POLD1: variants seen among roughly 807,000 people sequenced by gnomAD.
POLD1 encodes the protein DNA polymerase delta 1, catalytic subunit.
A neutral mutation model predicts 129.7 loss-of-function variants in POLD1; 79 were observed. The observed-to-expected ratio is 0.61, with a 90% CI of 0.51 to 0.73. The LOEUF is 0.73. Among genes scored for constraint, POLD1 ranks in the 30% least tolerant of loss-of-function variants. The pLI is 0.00. For synonymous variants in POLD1, 714 were observed against 683.3 expected, an observed-to-expected ratio of 1.04 and a Z score of -0.70; for missense variants, 1,338 against 1,595.8, an observed-to-expected ratio of 0.84 and a Z score of 2.75.
intron 1 of POLD1, among the ~76,000 whole-genome samples, chr19:50,392,766 T>C (rs111285262): frequency 0.01 from 1,591 of 152,256 alleles, 26 homozygotes; most frequent in African/African-American, 0.036. Flanking sequence ...CGTGAGCCAC[T>C]GCACCCAGGC....
intron 8 of POLD1, 90 bp downstream of exon 8, chr19:50,402,831 A>C (rs2122264322): frequency 1.3e-6 from 2 of 1,506,012 alleles, no homozygotes; most frequent in Non-Finnish European, 8.9e-7. Flanking sequence ...AATGGCAAGC[A>C]TGAAGGTGCC....
rs759213871 is a variant in POLD1, at chr19:50,403,111, C to G, written c.1029C>G (p.Arg343=). The change falls in exon 9 of 27, where the codon CGC becomes CGG. Residue 343 remains arginine (R), a synonymous_variant. Coordinates refer to ENST00000440232, the MANE Select transcript of POLD1 (RefSeq NM_002691.4). The part of the protein sequence containing the change: ...PVIQICSLGL[R]WGEPEPFLRL... The stretch of plus-strand genomic sequence containing the variant: ...TCCAGATCTGCTCGCTGGGCCTGCG[C>G]TGGGGGGAGCCGGAGCCCTTCCTAC... The G allele has an allele frequency of 6.4e-7, 1 of 1,564,698 alleles. No individual in the cohort carries two copies.
At chr19:50,389,680 G>A (rs2038086789) in intron 1 of POLD1, among the ~76,000 whole-genome samples, 1 of 150,130 alleles carries the variant, frequency 6.7e-6, no homozygotes, top group Non-Finnish European at 1.5e-5. Flanking sequence ...TCTGCCTCCT[G>A]GGTTCAAGCC....
At chr19:50,414,739 TCA>T in intron 19 of POLD1, 74 bp from the exon 20 acceptor site, 1 of 1,241,958 alleles carries the variant, frequency 8.1e-7, no homozygotes, top group Non-Finnish European at 1.1e-6. Context: ...CTGTCTACCT[TCA>T]GTTTCTGGGG....
Position 50,408,789 on chromosome 19 carries a change from T to G in POLD1, c.1780T>G (p.Tyr594Asp). 2 of 1,613,806 alleles carry G rather than the reference T, an allele frequency of 1.2e-6. No homozygotes were observed. Among genetic ancestry groups the G allele is most frequent in the Non-Finnish European group, 1.7e-6 (2 of 1,179,970 alleles). The change falls in exon 15 of 27, where the codon TAC (tyrosine) becomes GAC (aspartate). Residue 594 changes from tyrosine to aspartate, a missense_variant. By Grantham distance (160) the Tyr-to-Asp change is radical. This residue lies in a region of POLD1 where 720 missense variants were observed against 1,002.6 expected (regional missense o/e 0.72). Coordinates refer to ENST00000440232, the MANE Select transcript of POLD1 (RefSeq NM_002691.4). ...CCGCGGCTGCTCCCCTCCCAGGTAC[T>G]ACGACGTCCCCATCGCCACCCTGGA... ...ATVIEPLKGYYDVPIATLDFS... is the reference protein window; with the variant it reads ...ATVIEPLKGYDDVPIATLDFS...
intron 19 of POLD1, 45 bp downstream of exon 19, chr19:50,413,924 G>C (rs755951650): frequency 6.6e-7 from 1 of 1,522,290 alleles, no homozygotes; most frequent in Non-Finnish European, 8.8e-7. Context: ...GCCCTCATCA[G>C]GGTACTCAGG....
rs1456206691 is a variant in POLD1, at chr19:50,406,813, C to T, written c.1495-170C>T. Among the ~76,000 whole-genome samples the T allele has an allele frequency of 6.6e-6, 1 of 152,060 alleles. No individual in the cohort carries two copies. Among genetic ancestry groups the T allele is most frequent in the African/African-American group, 2.4e-5 (1 of 41,382 alleles). Reference sequence around the variant, plus strand: ...TCTGGCCCTGTGGACTCCCTGGCCCCCAACCCTACCTCCATCCCCACCCAG... The same window carrying T: ...TCTGGCCCTGTGGACTCCCTGGCCCTCAACCCTACCTCCATCCCCACCCAG... On this transcript the variant is annotated intron_variant, in intron 12 of 26. Coordinates refer to ENST00000440232, the MANE Select transcript of POLD1 (RefSeq NM_002691.4). The surrounding 1 kb of genome is among the most constrained non-coding windows in gnomAD (Gnocchi z 5.5).
Position 50,406,761 on chromosome 19 carries a change from GC to G in POLD1, c.1495-220del, listed in dbSNP as rs1221945904. ...CTGGCCTGACCACAGGTCCACGGTG[GC>G]CTTCAGGCTGCTCCCTCCTCCTCCC... On this transcript the variant is annotated intron_variant, in intron 12 of 26. Transcript: ENST00000440232. The surrounding 1 kb of genome is among the most constrained non-coding windows in gnomAD (Gnocchi z 5.5). Among the ~76,000 whole-genome samples, 1 of 152,010 alleles carries G rather than the reference GC, an allele frequency of 6.6e-6. No homozygotes were observed. Among genetic ancestry groups the G allele is most frequent in the African/African-American group, 2.4e-5 (1 of 41,374 alleles).
chr19:50,417,412 C>T (rs2122512165), intron 26 of POLD1, 143 bp downstream of exon 26: 1 of 626,818 alleles, frequency 1.6e-6, no homozygotes, highest in South Asian at 1.9e-5. Flanking sequence ...TGTCCTGAGC[C>T]TCAGTGTCCT....
At chr19:50,391,627 C>T (rs988858183) in intron 1 of POLD1, among the ~76,000 whole-genome samples, 18 of 141,588 alleles carry the variant, frequency 1.3e-4, no homozygotes, top group South Asian at 2.3e-4. Context: ...GGGAGGTTGC[C>T]GTGAGCCGAG....
intron 22 of POLD1, chr19:50,416,099 A>G (rs1281737289): frequency 3.5e-6 from 2 of 572,944 alleles, no homozygotes; most frequent in East Asian, 2.9e-5. Context: ...ATAATCCTCC[A>G]GCTCTACCCC....
rs3219368 is a variant in POLD1 at position 50,399,159 on chromosome 19, A to G, written c.202+106A>G. The G allele has an allele frequency of 8.2e-4, 1,231 of 1,505,410 alleles. 21 individuals are homozygous for G. The South Asian group carries it at 0.014, about 17-fold the overall frequency. The allele number at this position is 1,505,410 out of a possible 1,614,324, so 93.3% of individuals were successfully genotyped here. A position where few individuals can be genotyped will look rare whatever the true frequency, so the allele number is the denominator to read the frequency against. ...CTGACCTGTGACCCCACTCTGGCCAATTTTGAATCCTACAAAGGACTGCCC... is the reference window on the plus strand; with the variant it reads ...CTGACCTGTGACCCCACTCTGGCCAGTTTTGAATCCTACAAAGGACTGCCC... On this transcript the variant is annotated intron_variant, in intron 2 of 26. Coordinates refer to ENST00000440232, the MANE Select transcript of POLD1 (RefSeq NM_002691.4).
chr19:50,413,990 G>A (rs2039186780), intron 19 of POLD1, 111 bp downstream of exon 19: 1 of 1,165,892 alleles, frequency 8.6e-7, no homozygotes, highest in South Asian at 1.7e-5. Context: ...TTGCTGCTTA[G>A]ATTCTCCTGA....
rs138169420 is a variant in POLD1, at chr19:50,413,567, G to C, written c.2250+46G>C. 1.0e-3 allele frequency: 1,581 copies of C among 1,559,684 alleles called. 17 individuals carry two copies. In the African/African-American group the frequency reaches 0.017, roughly 16 times the overall value. ...GCCCTGAGATGGGCCCAGGGCAGGT[G>C]GGGGGATGGAAGCCGGGCCGGACCC... On this transcript the variant is annotated intron_variant, in intron 18 of 26. Coordinates refer to ENST00000440232, the MANE Select transcript of POLD1 (RefSeq NM_002691.4).
Position 50,415,542 on chromosome 19 carries a change from C to G in POLD1, c.2669C>G (p.Ala890Gly). ...GTCATCACCAAGGAGCTGACCCGCG[C>G]GGCCTCCGACTATGCCGGCAAGCAG... The part of the protein sequence containing the change: ...QLVITKELTR[A>G]ASDYAGKQAH... Residue 890 changes from alanine to glycine, a missense_variant, in exon 21 of 27, where the codon GCG becomes GGG. Physicochemically the swap from Ala to Gly is moderately conservative, Grantham distance 60. This residue lies in a region of POLD1 where 720 missense variants were observed against 1,002.6 expected (regional missense o/e 0.72). Coordinates refer to ENST00000440232, the MANE Select transcript of POLD1 (RefSeq NM_002691.4). The G allele has an allele frequency of 1.2e-6, 2 of 1,612,930 alleles. No individual in the cohort carries two copies. Among genetic ancestry groups the G allele is most frequent in the Non-Finnish European group, 1.7e-6 (2 of 1,179,672 alleles).
chr19:50,411,881 A>G (rs1436045290), intron 17 of POLD1, among the ~76,000 whole-genome samples: 1 of 152,050 alleles, frequency 6.6e-6, no homozygotes, highest in African/African-American at 2.4e-5. Context: ...TCACGCCTGT[A>G]ATCCCAACAC....
chr19:50,403,422 G>C, intron 9 of POLD1, 71 bp from the exon 10 acceptor site: 1 of 1,302,644 alleles, frequency 7.7e-7, no homozygotes, highest in East Asian at 2.3e-5. Flanking sequence ...TGGGGTTCTA[G>C]AACATTCTGG....
At position 50,403,200 on chromosome 19, in the gene POLD1, A is replaced by G. The variant is rs770407151; in HGVS notation, c.1118A>G (p.Lys373Arg). ...GGTGCCAAGGTGCAGAGCTACGAGA[A>G]GGAGGAGGACCTGCTGCAGGTAGCT... ...ILGAKVQSYE[K>R]EEDLLQAWST... The change falls in exon 9 of 27, where the codon AAG (lysine) becomes AGG (arginine). Residue 373 changes from lysine (K) to arginine (R), a missense_variant. This residue lies in a region of POLD1 where 720 missense variants were observed against 1,002.6 expected (regional missense o/e 0.72). Transcript: ENST00000440232. 8 of 1,560,536 alleles carry G rather than the reference A, an allele frequency of 5.1e-6. No homozygotes were observed. The African/African-American group carries it at 1.1e-4, about 21-fold the overall frequency.
rs79227748 is a variant in POLD1 at position 50,403,416 on chromosome 19, G to A, written c.1138-77G>A. 2.3e-5 allele frequency: 29 copies of A among 1,271,880 alleles called. No homozygotes were observed. The East Asian group carries it at 4.6e-4, about 20-fold the overall frequency. The allele number at this position is 1,271,880 out of a possible 1,614,324, so 78.8% of individuals were successfully genotyped here. ...TGCAGGATTTTCAGGGGTGGCTGGG[G>A]TTCTAGAACATTCTGGAAGTAGGGG... On this transcript the variant is annotated intron_variant, in intron 9 of 26. Coordinates refer to ENST00000440232, the MANE Select transcript of POLD1 (RefSeq NM_002691.4).
Sources: allele counts gnomAD v4.1 joint callset (sites outside exome capture counted in the v4.1 genomes callset), GRCh38; gene constraint gnomAD v4.1.1; regional missense constraint gnomAD v4.1.1; non-coding constraint Gnocchi (gnomAD v3.1); transcripts MANE v1.5; gene names NCBI Gene and HGNC (gene_info 2026-07-23, HGNC 2026-07-21).